The following USP8 variants were observed in gnomAD, a reference collection of about 807,000 sequenced individuals.
USP8 encodes the protein ubiquitin carboxyl-terminal hydrolase 8.
USP8 carries 27 observed loss-of-function variants against 130.0 expected under a neutral mutation model. The observed-to-expected ratio is 0.21, with a 90% CI of 0.15 to 0.29. The LOEUF is 0.29. USP8 is among the 10% of genes least tolerant of loss of function. USP8 has a pLI of 1.00. For synonymous variants in USP8, 392 were observed against 444.1 expected, an observed-to-expected ratio of 0.88 and a Z score of 1.48; for missense variants, 1,029 against 1,312.2, an observed-to-expected ratio of 0.78 and a Z score of 3.33.
chr15:50,494,139 A>C lies in USP8; in HGVS notation c.2517A>C (p.Thr839=). Residue 839 remains threonine, a synonymous_variant, in exon 16 of 20, where the codon ACA becomes ACC. Transcript: ENST00000307179. ...EFGIIMKALW[T]GQYRYISPKD... is the part of the protein sequence containing the mutation. ...GTATAATCATGAAAGCCCTGTGGACAGGACAGTATAGATATATCAGTCCAA... is the reference window on the plus strand; with the variant it reads ...GTATAATCATGAAAGCCCTGTGGACCGGACAGTATAGATATATCAGTCCAA... 1 of 1,612,494 alleles carries C rather than the reference A, an allele frequency of 6.2e-7. No individual in the cohort carries two copies. Among genetic ancestry groups the C allele is most frequent in the Non-Finnish European group, 8.5e-7 (1 of 1,179,848 alleles).
At position 50,449,611 on chromosome 15, in the gene USP8, G is replaced by A. The variant is rs923308305; in HGVS notation, c.335+126G>A. Reference sequence around the variant, plus strand: ...ATTTTTTTTTGAGACAGAGTCTCGCGCTGTCTGTCGCCCATGCTGGAGTGC... The same window carrying A: ...ATTTTTTTTTGAGACAGAGTCTCGCACTGTCTGTCGCCCATGCTGGAGTGC... On this transcript the variant is annotated intron_variant, in intron 4 of 19. Coordinates refer to ENST00000307179, the MANE Select transcript of USP8 (RefSeq NM_005154.5). The A allele has an allele frequency of 2.5e-5, 14 of 557,188 alleles. 1 individual carries two copies. Among genetic ancestry groups the A allele is most frequent in the Middle Eastern group, 6.0e-4 (1 of 1,672 alleles). The allele number at this position is 557,188 out of a possible 1,614,324, so 34.5% of individuals were successfully genotyped here.
At chr15:50,456,489 G>A (rs1457920049) in intron 4 of USP8, among the ~76,000 whole-genome samples, 5 of 151,232 alleles carry the variant, frequency 3.3e-5, no homozygotes, top group African/African-American at 9.7e-5. Context: ...AAGGAGAAAC[G>A]CTTGAACCTG....
At chr15:50,465,896 A>G (rs889097819) in intron 7 of USP8, among the ~76,000 whole-genome samples, 2 of 152,222 alleles carry the variant, frequency 1.3e-5, no homozygotes, top group African/African-American at 4.8e-5. Flanking sequence ...AATGGGGATA[A>G]TAGTAGAACA....
chr15:50,455,896 G>C (rs556824029), intron 4 of USP8, among the ~76,000 whole-genome samples: 90 of 152,232 alleles, frequency 5.9e-4, no homozygotes, highest in African/African-American at 2.1e-3. Context: ...CTGAGATTGG[G>C]GTCTTTATTG....
chr15:50,495,793 A>C, intron 16 of USP8, 55 bp from the exon 17 acceptor site: 2 of 1,386,032 alleles, frequency 1.4e-6, no homozygotes, highest in Non-Finnish European at 2.0e-6. Context: ...TATTCTTTCA[A>C]TTTAAATGTT....
intron 4 of USP8, among the ~76,000 whole-genome samples, chr15:50,452,929 G>A (rs1236559183): frequency 1.3e-5 from 2 of 152,208 alleles, no homozygotes; most frequent in Non-Finnish European, 2.9e-5. Flanking sequence ...CATTGAGGAG[G>A]CAAGGTAAAA....
chr15:50,498,822 C>T lies in USP8; in HGVS notation c.3172-81C>T, dbSNP rs112918974. 1,049 of 1,548,164 alleles carry T rather than the reference C, an allele frequency of 6.8e-4. 9 individuals carry two copies. The African/African-American group carries it at 0.013, about 20-fold the overall frequency. On this transcript the variant is annotated intron_variant, in intron 19 of 19. Transcript: ENST00000307179. ...CTACCTCATGGAAGAGTAAGAACAA[C>T]ATAAAGCTTTGAAACTATTGGCGTA...
At chr15:50,448,441 A>C (rs1401545792) in intron 3 of USP8, among the ~76,000 whole-genome samples, 2 of 152,222 alleles carry the variant, frequency 1.3e-5, no homozygotes, top group Non-Finnish European at 2.9e-5. Context: ...GTGATTTAAA[A>C]AACAACAACA....
chr15:50,431,163 C>CCTGTGTGTGTGTGTGTGTGTGTG (rs1179902446), intron 1 of USP8, among the ~76,000 whole-genome samples: 2 of 10,758 alleles, frequency 1.9e-4, no homozygotes, highest in African/African-American at 1.0e-3. Context: ...GTGTGTGTGC[C>CCTGTGTGTGTGTGTGTGTGTGTG]TCTGTGTGTG....
At chr15:50,491,725 C>G (rs1161450284) in intron 14 of USP8, among the ~76,000 whole-genome samples, 2 of 148,416 alleles carry the variant, frequency 1.3e-5, no homozygotes, top group South Asian at 2.2e-4. Flanking sequence ...ACATATAAAT[C>G]AAACACACCA....
chr15:50,439,345 T>C (rs941568517), intron 2 of USP8, among the ~76,000 whole-genome samples, 168 bp downstream of exon 2: 1 of 152,186 alleles, frequency 6.6e-6, no homozygotes, highest in Admixed American at 6.5e-5. Context: ...ACAATACATA[T>C]ATATTCTGCT....
In USP8 at chr15:50,449,492, ATAT is replaced by A; in HGVS notation, c.335+11_335+13del. 6.8e-7 allele frequency: 1 copy of A among 1,480,946 alleles called. No individual in the cohort carries two copies. The highest frequency in any genetic ancestry group is 2.4e-5 in the East Asian group (1 of 42,040). The allele number at this position is 1,480,946 out of a possible 1,614,324, so 91.7% of individuals were successfully genotyped here. Reference sequence around the variant, plus strand: ...CTGAAAGCCTTAAATTAAGGTACAGATATTATGAAATATTTAAAATAATGTAAA... The same window carrying A: ...CTGAAAGCCTTAAATTAAGGTACAGATATGAAATATTTAAAATAATGTAAA... On this transcript the variant is annotated splice_region_variant and intron_variant, in intron 4 of 19. Transcript: ENST00000307179.
chr15:50,500,361 ATT>A lies in USP8; in HGVS notation c.*1276_*1277del, dbSNP rs2052561309. On this transcript the variant is annotated 3_prime_UTR_variant, in exon 20 of 20. Coordinates refer to ENST00000307179, the MANE Select transcript of USP8 (RefSeq NM_005154.5). Reference sequence around the variant, plus strand: ...TGTTGAATATATATGATTATGAGATATTTTCTGATAAACACTGAATTTTGAAA... The same window carrying A: ...TGTTGAATATATATGATTATGAGATATTCTGATAAACACTGAATTTTGAAA... 6.3e-6 allele frequency: 1 copy of A among 158,432 alleles called. No individual in the cohort carries two copies. Among genetic ancestry groups the A allele is most frequent in the African/African-American group, 2.4e-5 (1 of 41,586 alleles). 9.8% of individuals were successfully genotyped at this position (158,432 alleles called of 1,614,324 possible).
chr15:50,429,109 G>T (rs569462303), intron 1 of USP8, among the ~76,000 whole-genome samples: 2 of 152,224 alleles, frequency 1.3e-5, no homozygotes, highest in East Asian at 3.9e-4. Flanking sequence ...TAATATTCTT[G>T]GACTGTGGTT....
chr15:50,441,775 C>T (rs967720110), intron 3 of USP8, among the ~76,000 whole-genome samples: 5 of 151,930 alleles, frequency 3.3e-5, no homozygotes, highest in Middle Eastern at 3.4e-3. Flanking sequence ...ATTGCCAGGT[C>T]AAGTAGAAGG....
intron 1 of USP8, among the ~76,000 whole-genome samples, chr15:50,425,396 G>A (rs1309009284): frequency 6.6e-6 from 1 of 152,204 alleles, no homozygotes; most frequent in Non-Finnish European, 1.5e-5. Flanking sequence ...TCCTGTTTTA[G>A]GCTTGCTCTG....
intron 4 of USP8, among the ~76,000 whole-genome samples, chr15:50,455,830 A>C (rs1288753477): frequency 1.3e-5 from 2 of 152,146 alleles, no homozygotes; most frequent in Non-Finnish European, 2.9e-5. Flanking sequence ...TGCTTAATTC[A>C]GGTGTCAGGT....
intron 2 of USP8, among the ~76,000 whole-genome samples, chr15:50,440,310 C>T (rs2050215309): frequency 6.6e-6 from 1 of 152,140 alleles, no homozygotes; most frequent in African/African-American, 2.4e-5. Flanking sequence ...CTAGCACTAC[C>T]CTTATCCCAG....
chr15:50,439,276 A>G, intron 2 of USP8, 99 bp downstream of exon 2: 1 of 766,046 alleles, frequency 1.3e-6, no homozygotes, highest in East Asian at 2.9e-5. Flanking sequence ...TTTGAAAAAT[A>G]ACACCATCAC....
Sources: allele counts gnomAD v4.1 joint callset (sites outside exome capture counted in the v4.1 genomes callset), GRCh38; gene constraint gnomAD v4.1.1; transcripts MANE v1.5; gene names NCBI Gene and HGNC (gene_info 2026-07-23, HGNC 2026-07-21).